The following LRIG1 variants were observed in gnomAD, a reference collection of about 807,000 sequenced individuals.
LRIG1 encodes leucine-rich repeats and immunoglobulin-like domains protein 1.
A neutral mutation model predicts 99.2 loss-of-function variants in LRIG1; 48 were observed. The observed-to-expected ratio is 0.48, with a 90% confidence interval of 0.38 to 0.62. LRIG1 has a LOEUF of 0.62. Ranked by LOEUF, LRIG1 falls within the 20% of genes least tolerant of loss-of-function variation. The probability of loss-of-function intolerance (pLI) is 0.00; values close to 1 mark genes in which losing one functional copy is unlikely to be tolerated. For missense variants in LRIG1, 1,646 were observed against 1,434.4 expected, an observed-to-expected ratio of 1.15 and a Z score of -2.38; for synonymous variants, 772 against 596.1, an observed-to-expected ratio of 1.29 and a Z score of -4.30.
intron 12 of LRIG1, among the ~76,000 whole-genome samples, chr3:66,393,184 T>C (rs1189473621): frequency 6.6e-6 from 1 of 152,140 alleles, no homozygotes; most frequent in Non-Finnish European, 1.5e-5. Context: ...GGTTGCCATA[T>C]GGATGGGTGA....
intron 3 of LRIG1, among the ~76,000 whole-genome samples, chr3:66,420,815 G>A (rs4856934): frequency 0.063 from 9,593 of 152,246 alleles, 1,114 homozygotes; most frequent in East Asian, 0.53. Flanking sequence ...GTTGTTTAAC[G>A]GTGTATTAGT....
intron 1 of LRIG1, among the ~76,000 whole-genome samples, chr3:66,472,747 T>C (rs4458310): frequency 0.78 from 118,893 of 152,068 alleles, 50,343 homozygotes; most frequent in Non-Finnish European, 0.96. Flanking sequence ...TCCAATAATA[T>C]ATTACTTCCT....
intron 1 of LRIG1, among the ~76,000 whole-genome samples, chr3:66,478,936 T>C (rs996505828): frequency 4.6e-5 from 7 of 152,332 alleles, no homozygotes; most frequent in Non-Finnish European, 8.8e-5. Context: ...TCTGGTTTCT[T>C]GCTCTAAAGG....
intron 1 of LRIG1, among the ~76,000 whole-genome samples, chr3:66,497,848 CG>C (rs1412775658): frequency 6.6e-6 from 1 of 151,706 alleles, no homozygotes; most frequent in Non-Finnish European, 1.5e-5. Flanking sequence ...TTCTAGACAC[CG>C]TGGGCTTAGA....
At chr3:66,395,832 G>C (rs540830720) in intron 11 of LRIG1, among the ~76,000 whole-genome samples, 141 of 152,328 alleles carry the variant, frequency 9.3e-4, no homozygotes, top group African/African-American at 3.3e-3. Flanking sequence ...CCTGGATGGA[G>C]AACTCTCCGC....
intron 1 of LRIG1, among the ~76,000 whole-genome samples, chr3:66,490,026 T>C (rs1008728186): frequency 6.6e-6 from 1 of 152,224 alleles, no homozygotes; most frequent in African/African-American, 2.4e-5. Context: ...ATCTTTATTT[T>C]AGGATAGTAA....
intron 1 of LRIG1, among the ~76,000 whole-genome samples, chr3:66,481,443 G>A (rs111435607): frequency 1.1e-4 from 17 of 152,126 alleles, no homozygotes; most frequent in African/African-American, 3.9e-4. Context: ...TAATAAAGCC[G>A]ACATTGTCCC....
intron 1 of LRIG1, among the ~76,000 whole-genome samples, chr3:66,472,335 A>C (rs1216817818): frequency 1.3e-3 from 160 of 124,618 alleles, no homozygotes; most frequent in African/African-American, 4.5e-3. Flanking sequence ...AAAAAAAAAC[A>C]CTAACTTCGG....
intron 8 of LRIG1, chr3:66,406,241 T>C: frequency 1.0e-6 from 1 of 985,422 alleles, no homozygotes; most frequent in Non-Finnish European, 1.2e-6. Flanking sequence ...AAGGGACTTC[T>C]CCTCTCAATG....
intron 1 of LRIG1, among the ~76,000 whole-genome samples, chr3:66,466,504 T>TA (rs1172708735): frequency 5.3e-5 from 8 of 152,216 alleles, no homozygotes; most frequent in African/African-American, 1.9e-4. Flanking sequence ...TTTTTAAAAT[T>TA]ACTTAGTTTT....
At chr3:66,454,457 AT>A (rs1282631000) in intron 2 of LRIG1, among the ~76,000 whole-genome samples, 2 of 152,102 alleles carry the variant, frequency 1.3e-5, no homozygotes, top group African/African-American at 4.8e-5. Flanking sequence ...GCCTGATGAA[AT>A]TTTTTTAAAT....
intron 1 of LRIG1, among the ~76,000 whole-genome samples, chr3:66,497,563 A>C (rs1429896950): frequency 1.3e-5 from 2 of 152,150 alleles, no homozygotes; most frequent in African/African-American, 4.8e-5. Flanking sequence ...CTGAAAAGTT[A>C]TCCTCAGGCC....
intron 1 of LRIG1, among the ~76,000 whole-genome samples, chr3:66,463,882 C>T (rs1004007969): frequency 5.3e-5 from 8 of 152,334 alleles, no homozygotes; most frequent in African/African-American, 1.9e-4. Flanking sequence ...AGTCAAACTA[C>T]ACTTGAAACT....
chr3:66,480,485 A>C (rs1326173759), intron 1 of LRIG1, among the ~76,000 whole-genome samples: 5 of 152,088 alleles, frequency 3.3e-5, no homozygotes. Context: ...AAAAAAAAAA[A>C]GTCCTGTTGC....
In LRIG1 at chr3:66,500,331, A is replaced by G; in HGVS notation, c.77T>C (p.Leu26Pro). ...PCLLLLWLLLLRLEPVTAAAG... is the reference protein window; with the variant it reads ...PCLLLLWLLLPRLEPVTAAAG... The stretch of plus-strand genomic sequence containing the variant: ...CGCGGCGGTCACCGGCTCCAGCCGA[A>G]GCAAAAGCAGCCAGAGAAGGAGAAG... The change falls in exon 1 of 19, where the codon CTT becomes CCT. Residue 26 changes from leucine to proline, a missense_variant. Physicochemically the swap from Leu to Pro is moderately conservative, Grantham distance 98. Transcript: ENST00000273261. 9 of 1,495,656 alleles carry G rather than the reference A, an allele frequency of 6.0e-6. No homozygotes were observed. The highest frequency in any genetic ancestry group is 8.0e-6 in the Non-Finnish European group (9 of 1,128,400). 92.6% of individuals were successfully genotyped at this position (1,495,656 alleles called of 1,614,324 possible). A position where few individuals can be genotyped will look rare whatever the true frequency, so the allele number is the denominator to read the frequency against.
At chr3:66,476,993 C>A (rs547083235) in intron 1 of LRIG1, among the ~76,000 whole-genome samples, 5 of 152,334 alleles carry the variant, frequency 3.3e-5, no homozygotes, top group Admixed American at 3.3e-4. Flanking sequence ...GCAGGCATTC[C>A]TATCTCTGCT....
chr3:66,422,960 C>T (rs953628551), intron 3 of LRIG1, among the ~76,000 whole-genome samples: 5 of 152,162 alleles, frequency 3.3e-5, no homozygotes, highest in African/African-American at 1.2e-4. Context: ...GTTTTTAAAA[C>T]CATCAGATCT....
chr3:66,380,700 G>A lies in LRIG1; in HGVS notation c.2932C>T (p.His978Tyr). ...CCAGCGGCAGTCCTGCTGCACTGGT[G>A]ATGTGGAGAATGCTCTTGGTCACTC... ...GGSDQEHSPH[H>Y]QCSRTAAGSC... Residue 978 changes from histidine (H) to tyrosine (Y), a missense_variant, in exon 18 of 19, where the codon CAC becomes TAC. Coordinates refer to ENST00000273261, the MANE Select transcript of LRIG1 (RefSeq NM_015541.3). 6.2e-7 allele frequency: 1 copy of A among 1,614,240 alleles called. No individual in the cohort carries two copies. Among genetic ancestry groups the A allele is most frequent in the Non-Finnish European group, 8.5e-7 (1 of 1,180,050 alleles).
intron 3 of LRIG1, among the ~76,000 whole-genome samples, chr3:66,448,332 G>A (rs1044608527): frequency 2.6e-5 from 4 of 152,108 alleles, no homozygotes; most frequent in Non-Finnish European, 5.9e-5. Flanking sequence ...TTCTGCATAA[G>A]CAAAATGAAA....
Sources: allele counts gnomAD v4.1 joint callset (sites outside exome capture counted in the v4.1 genomes callset), GRCh38; gene constraint gnomAD v4.1.1; transcripts MANE v1.5; gene names NCBI Gene and HGNC (gene_info 2026-07-23, HGNC 2026-07-21).